RPS16: variants seen among roughly 807,000 people sequenced by gnomAD.
RPS16 encodes the protein small ribosomal subunit protein uS9.
A neutral mutation model predicts 20.1 loss-of-function variants in RPS16; 2 were observed. The observed-to-expected ratio is 0.10, with a 90% confidence interval of 0.04 to 0.31. The LOEUF is 0.31. Among genes scored for constraint, RPS16 ranks in the 10% least tolerant of loss-of-function variants. The pLI, the probability that RPS16 is intolerant of heterozygous loss-of-function variation, is 1.00. For missense variants in RPS16, 129 were observed against 198.6 expected, an observed-to-expected ratio of 0.65 and a Z score of 2.11; for synonymous variants, 95 against 76.1, an observed-to-expected ratio of 1.25 and a Z score of -1.29.
chr19:39,433,150 G>A lies in RPS16; in HGVS notation c.*123C>T, dbSNP rs1014473780. On this transcript the variant is annotated 3_prime_UTR_variant, in exon 5 of 5. Transcript: ENST00000251453. ...TCCAGACTGGCAATAGGTCCAGGAT[G>A]TTTACTGATTTCTGTCTGGTTAAAC... 46 of 1,111,802 alleles carry A rather than the reference G, an allele frequency of 4.1e-5. No homozygotes were observed. In the Admixed American group the frequency reaches 6.4e-4, roughly 15 times the overall value. 68.9% of individuals were successfully genotyped at this position (1,111,802 alleles called of 1,614,324 possible).
At chr19:39,435,807 C>T (rs952692235) in intron 1 of RPS16, 41 bp downstream of exon 1, 16 of 1,609,722 alleles carry the variant, frequency 9.9e-6, no homozygotes, top group African/African-American at 1.3e-5. Flanking sequence ...AGACCCTGGC[C>T]TTCTCCTTCC....
At chr19:39,434,293 C>T (rs1297184964) in intron 2 of RPS16, 1 of 161,030 alleles carries the variant, frequency 6.2e-6, no homozygotes, top group Non-Finnish European at 1.4e-5. Flanking sequence ...CTGGATACTT[C>T]CTTTACCTGC....
At chr19:39,433,980 A>C (rs2078845622) in intron 2 of RPS16, 1 of 541,216 alleles carries the variant, frequency 1.8e-6, no homozygotes, top group Non-Finnish European at 3.3e-6. Context: ...AAATATAGGC[A>C]AGGTAAAGGG....
At position 39,433,243 on chromosome 19, in the gene RPS16, T is replaced by C. The variant is rs759722342; in HGVS notation, c.*30A>G. On this transcript the variant is annotated 3_prime_UTR_variant, in exon 5 of 5. Transcript: ENST00000251453. ...TTAAAATCCCTCAAAAACTGTTTAT[T>C]ATACAAGTGAGTTTTGAGTCACGAT... 3.1e-6 allele frequency: 5 copies of C among 1,610,004 alleles called. No individual in the cohort carries two copies. Among genetic ancestry groups the C allele is most frequent in the East Asian group, 2.2e-5 (1 of 44,864 alleles).
At chr19:39,435,586 G>A (rs765698792) in intron 2 of RPS16, 21 bp downstream of exon 2, 4 of 1,598,650 alleles carry the variant, frequency 2.5e-6, no homozygotes, top group South Asian at 1.1e-5. Flanking sequence ...TCCACTCAAC[G>A]CCGGTGCCGG....
In RPS16 at chr19:39,435,513, T is replaced by A. The variant is rs1600679289; in HGVS notation, c.150+94A>T. On this transcript the variant is annotated intron_variant, in intron 2 of 4. Transcript: ENST00000251453. Reference sequence around the variant, plus strand: ...CCCAACACAACTTCTAAACATCCCGTTGCTGATGCCAGCCCCCCCAGCTTT... The same window carrying A: ...CCCAACACAACTTCTAAACATCCCGATGCTGATGCCAGCCCCCCCAGCTTT... 5.1e-6 allele frequency: 5 copies of A among 974,588 alleles called. No individual in the cohort carries two copies. In the East Asian group the frequency reaches 1.3e-4, roughly 25 times the overall value. 60.4% of individuals were successfully genotyped at this position (974,588 alleles called of 1,614,324 possible).
At position 39,433,669 on chromosome 19, in the gene RPS16, A is replaced by G. The variant is rs772181696; in HGVS notation, c.243T>C (p.Ile81=). The change falls in exon 3 of 5, where the codon ATT becomes ATC. Residue 81 remains isoleucine (I), a synonymous_variant. Transcript: ENST00000251453. Reference sequence around the variant, plus strand: ...CGCCCAGTTCCTGGGACTCACCATAAATCTGGGCCACGTGACCACCACCCT... The same window carrying G: ...CGCCCAGTTCCTGGGACTCACCATAGATCTGGGCCACGTGACCACCACCCT... The part of the protein sequence containing the change: ...RVKGGGHVAQ[I]YAIRQSISKA... 1.2e-5 allele frequency: 20 copies of G among 1,614,056 alleles called. No individual in the cohort carries two copies. The Middle Eastern group carries it at 4.9e-4, about 40-fold the overall frequency.
chr19:39,434,108 C>T (rs118077617), intron 2 of RPS16: 7,515 of 316,152 alleles, frequency 0.024, 127 homozygotes, highest in Non-Finnish European at 0.034. Flanking sequence ...TCTGAAACTC[C>T]CAAGGCTGTT....
In RPS16 at chr19:39,435,922, C is replaced by G. The variant is rs202106312; in HGVS notation, c.-27G>C. 1.9e-5 allele frequency: 30 copies of G among 1,602,752 alleles called. No homozygotes were observed. Among genetic ancestry groups the G allele is most frequent in the Non-Finnish European group, 8.5e-7 (1 of 1,179,916 alleles). ...GCTCCGAGCGTGGACTAGACAACCT[C>G]ACCGCGCGGCGCCGCAACCGGAAAA... On this transcript the variant is annotated 5_prime_UTR_variant, in exon 1 of 5. Transcript: ENST00000251453.
chr19:39,435,879 G>T lies in RPS16; in HGVS notation c.17C>A (p.Pro6Gln). 3.7e-6 allele frequency: 6 copies of T among 1,607,850 alleles called. No homozygotes were observed. Among genetic ancestry groups the T allele is most frequent in the Non-Finnish European group, 5.1e-6 (6 of 1,179,982 alleles). The change falls in exon 1 of 5, where the codon CCG (proline) becomes CAG (glutamine). Residue 6 changes from proline to glutamine, a missense_variant. Pro to Gln is a moderately conservative substitution (Grantham distance 76). Coordinates refer to ENST00000251453, the MANE Select transcript of RPS16 (RefSeq NM_001020.6). ...TCCGAAGACCTGCACAGACTGCAGCGGGCCCTTGGACGGCATGGCTCCGAG... is the reference window on the plus strand; with the variant it reads ...TCCGAAGACCTGCACAGACTGCAGCTGGCCCTTGGACGGCATGGCTCCGAG... MPSKGPLQSVQVFGRK... is the reference protein window; with the variant it reads MPSKGQLQSVQVFGRK...
chr19:39,433,196 G>A lies in RPS16; in HGVS notation c.*77C>T. On this transcript the variant is annotated 3_prime_UTR_variant, in exon 5 of 5. Transcript: ENST00000251453. ...TAAACATCCAATACCAACACATAAG[G>A]CCACACACAGTTCTTGAAACTTTAA... is the stretch of plus-strand genomic sequence containing the variant. The A allele has an allele frequency of 4.2e-6, 6 of 1,440,918 alleles. No homozygotes were observed. The highest frequency in any genetic ancestry group is 1.2e-5 in the South Asian group (1 of 83,682). The allele number at this position is 1,440,918 out of a possible 1,614,324, so 89.3% of individuals were successfully genotyped here.
rs2230765 is a variant in RPS16, at chr19:39,433,345, G to A, written c.369C>T (p.Asp123=). 2.3e-3 allele frequency: 3,705 copies of A among 1,614,060 alleles called. 98 individuals carry two copies. The African/African-American group carries it at 0.044, about 19-fold the overall frequency. ...IQYDRTLLVA[D]PRRCESKKFG... ...ACTTTTTGGACTCGCAGCGACGAGG[G>A]TCAGCTACCAGCAGGGTCCGGTCAT... Residue 123 remains aspartate, a synonymous_variant, in exon 5 of 5, where the codon GAC becomes GAT. Coordinates refer to ENST00000251453, the MANE Select transcript of RPS16 (RefSeq NM_001020.6).
Position 39,433,541 on chromosome 19 carries a change from C to T in RPS16, c.276G>A (p.Leu92=). ...YAIRQSISKA[L]VAYYQKYVDE... is the part of the protein sequence containing the mutation. ...ACTCACATTTCTGGTAATAGGCCACCAGGGCTTTGGAGATGGACTGACGGA... is the reference window on the plus strand; with the variant it reads ...ACTCACATTTCTGGTAATAGGCCACTAGGGCTTTGGAGATGGACTGACGGA... The change falls in exon 4 of 5, where the codon CTG becomes CTA. Residue 92 remains leucine, a synonymous_variant. Coordinates refer to ENST00000251453, the MANE Select transcript of RPS16 (RefSeq NM_001020.6). The T allele has an allele frequency of 6.2e-7, 1 of 1,614,200 alleles. No homozygotes were observed. The highest frequency in any genetic ancestry group is 8.5e-7 in the Non-Finnish European group (1 of 1,180,036).
chr19:39,434,069 G>A (rs1463680786), intron 2 of RPS16: 2 of 384,612 alleles, frequency 5.2e-6, no homozygotes, highest in African/African-American at 2.1e-5. Flanking sequence ...TTCTTAGAAG[G>A]CTGAACAGTA....
intron 2 of RPS16, 117 bp from the exon 3 acceptor site, chr19:39,433,878 G>T: frequency 1.1e-6 from 1 of 941,160 alleles, no homozygotes; most frequent in South Asian, 1.5e-5. Flanking sequence ...ACTAGTGGAT[G>T]GGGGTCAGGG....
chr19:39,433,572 G>A lies in RPS16; in HGVS notation c.248-3C>T. 1 of 1,614,226 alleles carries A rather than the reference G, an allele frequency of 6.2e-7. No individual in the cohort carries two copies. Among genetic ancestry groups the A allele is most frequent in the Non-Finnish European group, 8.5e-7 (1 of 1,180,038 alleles). ...TTTGGAGATGGACTGACGGATAGCT[G>A]TGAGAAAGACACACAATTAAAGGGT... is the stretch of plus-strand genomic sequence containing the variant. On this transcript the variant is annotated splice_polypyrimidine_tract_variant and splice_region_variant and intron_variant, in intron 3 of 4. Transcript: ENST00000251453.
intron 2 of RPS16, 109 bp downstream of exon 2, chr19:39,435,498 C>G: frequency 1.2e-6 from 1 of 847,988 alleles, no homozygotes; most frequent in Non-Finnish European, 1.9e-6. Flanking sequence ...CCCAACACAA[C>G]TTCTAAACAT....
At chr19:39,435,555 T>C in intron 2 of RPS16, 52 bp downstream of exon 2, 2 of 1,473,532 alleles carry the variant, frequency 1.4e-6, no homozygotes, top group Non-Finnish European at 1.9e-6. Context: ...CTACAACATC[T>C]CTGTCTCCAA....
intron 2 of RPS16, 173 bp downstream of exon 2, chr19:39,435,433 TA>T (rs2078855727): frequency 5.1e-6 from 3 of 592,372 alleles, no homozygotes. Context: ...TCTCAGCTTT[TA>T]CATCTTCTGA....
Sources: allele counts gnomAD v4.1 joint callset, GRCh38; gene constraint gnomAD v4.1.1; transcripts MANE v1.5; gene names NCBI Gene and HGNC (gene_info 2026-07-23, HGNC 2026-07-21).